ANGPT2: variants seen among roughly 807,000 people sequenced by gnomAD.
ANGPT2 encodes the protein angiopoietin 2.
ANGPT2 carries 28 observed loss-of-function variants against 62.9 expected under a neutral mutation model. That is an observed-to-expected ratio of 0.44 (90% CI 0.33 to 0.61). The LOEUF (loss-of-function observed/expected upper bound fraction) is 0.61. Ranked by LOEUF, ANGPT2 falls within the 20% of genes least tolerant of loss-of-function variation. ANGPT2 has a pLI of 0.03. For synonymous variants in ANGPT2, 284 were observed against 207.8 expected (o/e 1.37, Z -3.15); for missense variants, 727 against 594.9 (o/e 1.22, Z -2.31).
At chr8:6,534,074 G>A (rs1251697125) in intron 1 of ANGPT2, among the ~76,000 whole-genome samples, 1 of 152,074 alleles carries the variant, frequency 6.6e-6, no homozygotes, top group Non-Finnish European at 1.5e-5. Flanking sequence ...TGGTCACTAA[G>A]GCTGCCTCCC....
At chr8:6,541,500 G>A (rs972276356) in intron 1 of ANGPT2, among the ~76,000 whole-genome samples, 23 of 152,302 alleles carry the variant, frequency 1.5e-4, no homozygotes, top group African/African-American at 5.3e-4. Context: ...CAAAGCCAGG[G>A]TTGTCATGCA....
chr8:6,562,925 T>A lies in ANGPT2; in HGVS notation c.10A>T (p.Ile4Phe), dbSNP rs1225570468. 1 of 1,585,108 alleles carries A rather than the reference T, an allele frequency of 6.3e-7. No individual in the cohort carries two copies. Among genetic ancestry groups the A allele is most frequent in the Non-Finnish European group, 8.6e-7 (1 of 1,157,668 alleles). MWQ[I>F]VFFTLSCDLV... ...TCACAGCTCAGAGTAAAGAAAACAA[T>A]CTGCCACATTCTTTCTTCAGTAATA... Residue 4 changes from isoleucine (I) to phenylalanine (F), a missense_variant, in exon 1 of 9, where the codon ATT becomes TTT. Transcript: ENST00000629816.
intron 1 of ANGPT2, among the ~76,000 whole-genome samples, chr8:6,561,830 T>G (rs1825588281): frequency 6.6e-6 from 1 of 152,250 alleles, no homozygotes; most frequent in Admixed American, 6.5e-5. Flanking sequence ...TATCCTATTT[T>G]GGTTACGTCT....
At chr8:6,551,233 T>G (rs890689861) in intron 1 of ANGPT2, among the ~76,000 whole-genome samples, 5 of 152,174 alleles carry the variant, frequency 3.3e-5, no homozygotes, top group African/African-American at 1.2e-4. Context: ...TTCGTGATTT[T>G]TTTTTTCTTC....
At chr8:6,533,335 A>G (rs368890717) in intron 1 of ANGPT2, among the ~76,000 whole-genome samples, 40 of 152,356 alleles carry the variant, frequency 2.6e-4, no homozygotes, top group African/African-American at 7.7e-4. Flanking sequence ...ATGATTATGT[A>G]TAACTGCAAG....
intron 8 of ANGPT2, among the ~76,000 whole-genome samples, chr8:6,507,147 C>A (rs1369249103): frequency 6.6e-6 from 1 of 152,216 alleles, no homozygotes; most frequent in Non-Finnish European, 1.5e-5. Flanking sequence ...ATCCATCCAC[C>A]TTGGCCTCCC....
chr8:6,553,665 ATTTT>A, intron 1 of ANGPT2, among the ~76,000 whole-genome samples: 1 of 142,984 alleles, frequency 7.0e-6, no homozygotes, highest in East Asian at 2.0e-4. Context: ...TGGTCTCAAA[ATTTT>A]TTTTTTTTTT....
intron 1 of ANGPT2, among the ~76,000 whole-genome samples, chr8:6,543,826 A>G (rs553972510): frequency 6.6e-6 from 1 of 152,296 alleles, no homozygotes; most frequent in South Asian, 2.1e-4. Flanking sequence ...TACATAATTT[A>G]AACCCCCTGT....
At chr8:6,534,599 A>C (rs1020967391) in intron 1 of ANGPT2, among the ~76,000 whole-genome samples, 1 of 152,366 alleles carries the variant, frequency 6.6e-6, no homozygotes, top group Middle Eastern at 3.4e-3. Flanking sequence ...GAACCAAAAC[A>C]GAGTAGACCA....
In ANGPT2 at chr8:6,518,965, C is replaced by T. The variant is rs1816810890; in HGVS notation, c.927+899G>A. ...TGTCTCCCAAAGCACCTTCAGGAGT[C>T]AGGCTCTCTGAGTGAGGCTGCAGAA... On this transcript the variant is annotated intron_variant, in intron 5 of 8. Transcript: ENST00000629816. 1.3e-5 allele frequency among the ~76,000 whole-genome samples: 2 copies of T among 151,972 alleles called. 1 individual carries two copies. The highest frequency in any genetic ancestry group is 4.2e-4 in the South Asian group (2 of 4,816).
rs1257250269 is a variant in ANGPT2 at position 6,509,123 on chromosome 8, A to T, written c.1197-61T>A. Reference sequence around the variant, plus strand: ...GGGTCATTGATTTACCGTAGTGGCAAATTTTTTGTGATGAAGAATTCCATT... The same window carrying T: ...GGGTCATTGATTTACCGTAGTGGCATATTTTTTGTGATGAAGAATTCCATT... On this transcript the variant is annotated intron_variant, in intron 7 of 8. Transcript: ENST00000629816. 7 of 1,574,326 alleles carry T rather than the reference A, an allele frequency of 4.4e-6. No individual in the cohort carries two copies. In the South Asian group the frequency reaches 5.9e-5, roughly 13 times the overall value.
chr8:6,520,024 G>T, intron 4 of ANGPT2, 33 bp from the exon 5 acceptor site: 1 of 1,608,492 alleles, frequency 6.2e-7, no homozygotes, highest in Non-Finnish European at 8.5e-7. Context: ...CATTTAAACG[G>T]AGTTCATGAA....
Position 6,563,214 on chromosome 8 carries a change from G to A in ANGPT2, c.-280C>T, listed in dbSNP as rs558952595. ...TACAGAGCAGCTTTCACGGTCCTTT[G>A]TTCCTCTCTCCCCAGATCCTACAGT... On this transcript the variant is annotated 5_prime_UTR_variant, in exon 1 of 9. Transcript: ENST00000629816. 3.6e-6 allele frequency: 1 copy of A among 281,236 alleles called. No homozygotes were observed. Among genetic ancestry groups the A allele is most frequent in the African/African-American group, 2.1e-5 (1 of 47,744 alleles). 17.4% of individuals were successfully genotyped at this position (281,236 alleles called of 1,614,324 possible).
In ANGPT2 at chr8:6,548,330, C is replaced by T. The variant is rs75678600; in HGVS notation, c.288+14317G>A. 5.7e-3 allele frequency among the ~76,000 whole-genome samples: 861 copies of T among 152,272 alleles called. 12 individuals are homozygous for T. The highest frequency in any genetic ancestry group is 0.056 in the East Asian group (290 of 5,166). ...GTGCGTCACTTCCCAGCTGTTGGTC[C>T]CCTGCCACTTAGATGCCTTTCATGG... On this transcript the variant is annotated intron_variant, in intron 1 of 8. Transcript: ENST00000629816.
intron 8 of ANGPT2, among the ~76,000 whole-genome samples, chr8:6,503,654 G>A (rs1272741866): frequency 5.3e-5 from 8 of 152,294 alleles, no homozygotes; most frequent in Middle Eastern, 3.4e-3. Context: ...TGGTGGGCTG[G>A]ACTCGCTCAG....
chr8:6,525,456 C>G (rs1818166849), intron 3 of ANGPT2, among the ~76,000 whole-genome samples: 1 of 152,196 alleles, frequency 6.6e-6, no homozygotes, highest in Admixed American at 6.5e-5. Flanking sequence ...TCTCAAACTC[C>G]TGGCCTCAAG....
At chr8:6,507,255 T>C (rs991059438) in intron 8 of ANGPT2, among the ~76,000 whole-genome samples, 1 of 152,196 alleles carries the variant, frequency 6.6e-6, no homozygotes, top group Non-Finnish European at 1.5e-5. Context: ...ATTTGTTTAA[T>C]GTAGTAACTT....
intron 4 of ANGPT2, 96 bp from the exon 5 acceptor site, chr8:6,520,087 T>G: frequency 1.4e-6 from 2 of 1,436,276 alleles, no homozygotes; most frequent in South Asian, 2.9e-5. Context: ...TTTTATTACT[T>G]TGGAATTCTT....
intron 7 of ANGPT2, among the ~76,000 whole-genome samples, chr8:6,510,966 C>G (rs897824609): frequency 1.4e-4 from 21 of 152,202 alleles, no homozygotes; most frequent in African/African-American, 4.8e-4. Context: ...AAATACTCAT[C>G]TCTGTTGGGA....
Sources: gnomAD v4.1 joint callset for allele counts (sites outside exome capture counted in the v4.1 genomes callset) on GRCh38, gnomAD v4.1.1 for gene constraint, MANE v1.5 for transcripts, NCBI Gene and HGNC (gene_info 2026-07-23, HGNC 2026-07-21) for gene names.